B4GALT5: variants seen among roughly 807,000 people sequenced by gnomAD.
B4GALT5 encodes the protein beta-1,4-galactosyltransferase 5.
In B4GALT5, 11 loss-of-function variants were observed where a neutral mutation model predicts 45.0. The observed-to-expected ratio is 0.24, with a 90% CI of 0.15 to 0.40. The LOEUF (loss-of-function observed/expected upper bound fraction) is 0.40, where lower values mean the gene tolerates loss of function less well. Ranked by LOEUF, B4GALT5 falls within the 10% of genes least tolerant of loss-of-function variation. The pLI is 1.00. For missense variants in B4GALT5, 337 were observed against 500.2 expected, an observed-to-expected ratio of 0.67 and a Z score of 3.11; for synonymous variants, 185 against 182.9, an observed-to-expected ratio of 1.01 and a Z score of -0.09.
chr20:49,711,625 C>A (rs1175584671), intron 1 of B4GALT5, among the ~76,000 whole-genome samples: 2 of 152,202 alleles, frequency 1.3e-5, no homozygotes, highest in Non-Finnish European at 2.9e-5. Flanking sequence ...GTTAATTCCA[C>A]TAATTAGTTA....
intron 1 of B4GALT5, among the ~76,000 whole-genome samples, chr20:49,661,830 C>G (rs961457751): frequency 1.3e-5 from 2 of 152,176 alleles, no homozygotes; most frequent in Admixed American, 6.5e-5. Flanking sequence ...TTCACACTTA[C>G]TAATAATTTG....
intron 1 of B4GALT5, among the ~76,000 whole-genome samples, chr20:49,660,503 A>G (rs2085660810): frequency 6.6e-6 from 1 of 152,248 alleles, no homozygotes; most frequent in African/African-American, 2.4e-5. Flanking sequence ...TAGGTAATCA[A>G]TCAATCAATC....
chr20:49,684,603 A>G (rs949413519), intron 1 of B4GALT5: 1 of 517,742 alleles, frequency 1.9e-6, no homozygotes, highest in African/African-American at 1.9e-5. Context: ...GAGGCCACAT[A>G]TCAAGGACAT....
intron 1 of B4GALT5, among the ~76,000 whole-genome samples, chr20:49,707,049 G>C (rs968697998): frequency 2.0e-5 from 3 of 152,086 alleles, no homozygotes; most frequent in Non-Finnish European, 2.9e-5. Context: ...CAGCTGGGGC[G>C]GGGGGAGTTG....
intron 1 of B4GALT5, among the ~76,000 whole-genome samples, chr20:49,679,864 A>AT (rs995026648): frequency 1.1e-4 from 16 of 152,118 alleles, no homozygotes; most frequent in Admixed American, 2.6e-4. Context: ...TTAATAACTG[A>AT]TTTTTTTCAG....
intron 7 of B4GALT5, among the ~76,000 whole-genome samples, chr20:49,637,904 G>A (rs755471656): frequency 1.8e-4 from 27 of 151,958 alleles, no homozygotes; most frequent in Non-Finnish European, 3.1e-4. Flanking sequence ...CACCAGCTTG[G>A]GTAACAGAAA....
intron 1 of B4GALT5, among the ~76,000 whole-genome samples, chr20:49,670,663 TGTAAC>T (rs998244483): frequency 2.0e-5 from 3 of 152,186 alleles, no homozygotes; most frequent in African/African-American, 7.2e-5. Flanking sequence ...TTTGCAAACA[TGTAAC>T]GTAAAATTTT....
At chr20:49,641,006 T>C (rs565088749) in intron 5 of B4GALT5, among the ~76,000 whole-genome samples, 3 of 152,272 alleles carry the variant, frequency 2.0e-5, no homozygotes, top group South Asian at 4.1e-4. Flanking sequence ...TCCCAGCTAC[T>C]TGGGAGGCTG....
chr20:49,649,174 T>A (rs6091022), intron 2 of B4GALT5, among the ~76,000 whole-genome samples: 73,508 of 151,948 alleles, frequency 0.48, 18,840 homozygotes, highest in South Asian at 0.68. Flanking sequence ...AAATTTTAAC[T>A]GTGTCTTAAC....
At chr20:49,647,933 G>A (rs1482082806) in intron 2 of B4GALT5, among the ~76,000 whole-genome samples, 1 of 151,856 alleles carries the variant, frequency 6.6e-6, no homozygotes, top group East Asian at 1.9e-4. Flanking sequence ...AGACCTCCCA[G>A]TCCTCTGTCT....
At chr20:49,683,736 G>C (rs181143335) in intron 1 of B4GALT5, among the ~76,000 whole-genome samples, 3 of 152,192 alleles carry the variant, frequency 2.0e-5, no homozygotes, top group Middle Eastern at 3.4e-3. Flanking sequence ...CTAGTCAGCT[G>C]AATGACCTTT....
At chr20:49,655,651 T>C (rs2085639468) in intron 2 of B4GALT5, among the ~76,000 whole-genome samples, 1 of 150,876 alleles carries the variant, frequency 6.6e-6, no homozygotes, top group African/African-American at 2.4e-5. Context: ...GAAAGAGCCC[T>C]GGCACAGTGG....
Position 49,640,602 on chromosome 20 carries a change from C to A in B4GALT5, c.670G>T (p.Asp224Tyr). ...FNVGFQEAMKDLDWDCLIFHD... is the reference protein window; with the variant it reads ...FNVGFQEAMKYLDWDCLIFHD... Reference sequence around the variant, plus strand: ...AAAATCAAACAGTCCCAATCCAAGTCTTTCATTGCCTCTTGAAAGCCAACG... The same window carrying A: ...AAAATCAAACAGTCCCAATCCAAGTATTTCATTGCCTCTTGAAAGCCAACG... The change falls in exon 6 of 9, where the codon GAC (aspartate) becomes TAC (tyrosine). Residue 224 changes from aspartate (D) to tyrosine (Y), a missense_variant. By Grantham distance (160) the Asp-to-Tyr change is radical. Around this residue, in one of 2 missense-constraint regions of B4GALT5, gnomAD observed 163 missense variants for 292.8 expected, o/e 0.56. Transcript: ENST00000371711. The A allele has an allele frequency of 6.2e-7, 1 of 1,614,014 alleles. No homozygotes were observed. Among genetic ancestry groups the A allele is most frequent in the Non-Finnish European group, 8.5e-7 (1 of 1,179,974 alleles).
intron 1 of B4GALT5, among the ~76,000 whole-genome samples, chr20:49,693,347 A>G (rs1398610056): frequency 6.6e-6 from 1 of 152,218 alleles, no homozygotes; most frequent in Non-Finnish European, 1.5e-5. Flanking sequence ...GTAGAAACTA[A>G]TATCAATTCC....
chr20:49,657,082 C>T (rs942752054), intron 1 of B4GALT5, among the ~76,000 whole-genome samples: 1 of 151,984 alleles, frequency 6.6e-6, no homozygotes, highest in Admixed American at 6.6e-5. Flanking sequence ...AGTTCACCTT[C>T]TCAGAATTAG....
intron 1 of B4GALT5, among the ~76,000 whole-genome samples, chr20:49,676,085 A>G (rs1304641650): frequency 6.7e-6 from 1 of 149,014 alleles, no homozygotes; most frequent in Non-Finnish European, 1.5e-5. Flanking sequence ...CCCTACTCAT[A>G]AAGTGACTCA....
Position 49,644,089 on chromosome 20 carries a change from AGC to A in B4GALT5, c.365-441_365-440del, listed in dbSNP as rs1472921574. On this transcript the variant is annotated intron_variant, in intron 3 of 8. Transcript: ENST00000371711. ...GTTACAGGCATATGCCACCACACCC[AGC>A]TAATTTTGTATTTTTAGTAGAGATG... Among the ~76,000 whole-genome samples, 3 of 151,896 alleles carry A rather than the reference AGC, an allele frequency of 2.0e-5. No homozygotes were observed. In the East Asian group the frequency reaches 5.8e-4, roughly 29 times the overall value.
At chr20:49,671,275 A>C (rs1196167470) in intron 1 of B4GALT5, among the ~76,000 whole-genome samples, 1 of 152,166 alleles carries the variant, frequency 6.6e-6, no homozygotes, top group Non-Finnish European at 1.5e-5. Context: ...GCTACTCAGG[A>C]GGCTGAGGTG....
chr20:49,657,199 G>A (rs2085647108), intron 1 of B4GALT5, among the ~76,000 whole-genome samples: 1 of 152,168 alleles, frequency 6.6e-6, no homozygotes, highest in South Asian at 2.1e-4. Flanking sequence ...TTTCAAAGTG[G>A]TAGACTGAGG....
Sources: allele counts gnomAD v4.1 joint callset (sites outside exome capture counted in the v4.1 genomes callset), GRCh38; gene constraint gnomAD v4.1.1; regional missense constraint gnomAD v4.1.1; transcripts MANE v1.5; gene names NCBI Gene and HGNC (gene_info 2026-07-23, HGNC 2026-07-21).